The following SLCO5A1 variants were observed in gnomAD, a reference collection of about 807,000 sequenced individuals.
SLCO5A1 encodes organic anion transporter polypeptide-related protein 4.
A neutral mutation model predicts 65.1 loss-of-function variants in SLCO5A1; 39 were observed. The ratio of observed to expected loss-of-function variants is 0.60; its 90% CI spans 0.46 to 0.78. The LOEUF (loss-of-function observed/expected upper bound fraction) is 0.78, where lower values mean the gene tolerates loss of function less well. SLCO5A1 is among the 30% of genes least tolerant of loss of function. The pLI, the probability that SLCO5A1 is intolerant of heterozygous loss-of-function variation, is 0.00. For missense variants in SLCO5A1, 1,029 were observed against 1,069.4 expected, an observed-to-expected ratio of 0.96 and a Z score of 0.53; for synonymous variants, 438 against 415.7, an observed-to-expected ratio of 1.05 and a Z score of -0.65.
intron 3 of SLCO5A1, among the ~76,000 whole-genome samples, chr8:69,759,850 G>A (rs763286056): frequency 3.9e-5 from 6 of 152,184 alleles, no homozygotes; most frequent in South Asian, 2.1e-4. Flanking sequence ...GGCTCGCCAC[G>A]TTAGCCAGGG....
At chr8:69,689,360 A>G (rs1814142670) in intron 6 of SLCO5A1, among the ~76,000 whole-genome samples, 2 of 98,434 alleles carry the variant, frequency 2.0e-5, no homozygotes, top group South Asian at 4.2e-4. Flanking sequence ...CCATTTGTCA[A>G]TTTTGGCTTT....
intron 7 of SLCO5A1, among the ~76,000 whole-genome samples, chr8:69,681,014 A>G (rs1054650524): frequency 3.9e-5 from 6 of 152,166 alleles, no homozygotes; most frequent in African/African-American, 1.4e-4. Flanking sequence ...AAGGATGAAC[A>G]CTCACTCTCA....
intron 4 of SLCO5A1, among the ~76,000 whole-genome samples, chr8:69,745,522 C>T (rs1018425811): frequency 6.6e-6 from 1 of 151,942 alleles, no homozygotes; most frequent in Non-Finnish European, 1.5e-5. Flanking sequence ...AATTTTATTA[C>T]CCCAAAATGT....
At chr8:69,761,469 T>C (rs1393790753) in intron 3 of SLCO5A1, 5 of 344,036 alleles carry the variant, frequency 1.5e-5, no homozygotes, top group Non-Finnish European at 2.6e-5. Flanking sequence ...TTTCCTTTGA[T>C]TACACTGGGC....
intron 2 of SLCO5A1, among the ~76,000 whole-genome samples, chr8:69,811,578 C>T (rs1042320434): frequency 1.3e-5 from 2 of 152,140 alleles, no homozygotes; most frequent in Admixed American, 1.3e-4. Flanking sequence ...ATACACAGCA[C>T]CCAAGCAAGA....
At chr8:69,674,964 C>G (rs1813489388) in intron 9 of SLCO5A1, among the ~76,000 whole-genome samples, 1 of 151,352 alleles carries the variant, frequency 6.6e-6, no homozygotes, top group Non-Finnish European at 1.5e-5. Context: ...CACTTGAACC[C>G]TAGAGGCAGA....
intron 6 of SLCO5A1, among the ~76,000 whole-genome samples, chr8:69,690,489 A>G (rs2130797667): frequency 6.6e-6 from 1 of 152,328 alleles, no homozygotes; most frequent in South Asian, 2.1e-4. Flanking sequence ...GATATAATTG[A>G]AGGATTTAGG....
At chr8:69,788,551 T>C (rs936488381) in intron 2 of SLCO5A1, among the ~76,000 whole-genome samples, 1 of 152,124 alleles carries the variant, frequency 6.6e-6, no homozygotes, top group Non-Finnish European at 1.5e-5. Context: ...CTTGTGGAGT[T>C]TTTATAAACA....
intron 2 of SLCO5A1, among the ~76,000 whole-genome samples, chr8:69,825,260 G>T (rs1250866661): frequency 1.3e-5 from 2 of 152,182 alleles, no homozygotes; most frequent in African/African-American, 4.8e-5. Flanking sequence ...TCAACATAGT[G>T]TTGGGAAGTT....
intron 6 of SLCO5A1, among the ~76,000 whole-genome samples, chr8:69,689,975 G>A (rs1315261587): frequency 6.6e-6 from 1 of 152,198 alleles, no homozygotes; most frequent in Non-Finnish European, 1.5e-5. Context: ...TCATGAGCAT[G>A]GAATGTTCTT....
At chr8:69,714,596 C>T (rs1465952504) in intron 5 of SLCO5A1, among the ~76,000 whole-genome samples, 1 of 152,134 alleles carries the variant, frequency 6.6e-6, no homozygotes, top group Non-Finnish European at 1.5e-5. Context: ...TGTCAGGTTC[C>T]CCGTGACAAT....
chr8:69,724,496 T>C (rs1815974672), intron 5 of SLCO5A1, among the ~76,000 whole-genome samples: 1 of 152,174 alleles, frequency 6.6e-6, no homozygotes, highest in Admixed American at 6.5e-5. Flanking sequence ...TGAAATCTAA[T>C]CAGACTAACA....
intron 2 of SLCO5A1, among the ~76,000 whole-genome samples, chr8:69,764,775 T>C (rs746799650): frequency 6.6e-6 from 1 of 152,162 alleles, no homozygotes; most frequent in Non-Finnish European, 1.5e-5. Flanking sequence ...AAAACTGTAA[T>C]GAGGCCAAAA....
chr8:69,689,971 G>A (rs1396562929), intron 6 of SLCO5A1, among the ~76,000 whole-genome samples: 2 of 152,224 alleles, frequency 1.3e-5, no homozygotes, highest in African/African-American at 4.8e-5. Context: ...CTACTCATGA[G>A]CATGGAATGT....
intron 5 of SLCO5A1, among the ~76,000 whole-genome samples, chr8:69,707,805 C>A (rs1313660498): frequency 6.6e-6 from 1 of 152,138 alleles, no homozygotes; most frequent in Non-Finnish European, 1.5e-5. Flanking sequence ...AGGATGACTG[C>A]ATGACACCAG....
intron 2 of SLCO5A1, among the ~76,000 whole-genome samples, chr8:69,782,565 G>T (rs1818840827): frequency 7.4e-6 from 1 of 135,000 alleles, no homozygotes. Context: ...GGGAGACAGA[G>T]CAAGACCCTG....
At chr8:69,793,623 C>T (rs988774873) in intron 2 of SLCO5A1, among the ~76,000 whole-genome samples, 1 of 151,800 alleles carries the variant, frequency 6.6e-6, no homozygotes, top group South Asian at 2.1e-4. Flanking sequence ...ACTAAAAATA[C>T]AAAAATTAAC....
chr8:69,740,293 T>C (rs1816741619), intron 4 of SLCO5A1, among the ~76,000 whole-genome samples: 1 of 152,162 alleles, frequency 6.6e-6, no homozygotes, highest in Non-Finnish European at 1.5e-5. Context: ...CTTTGGTTGG[T>C]GGGACTGGGT....
intron 4 of SLCO5A1, among the ~76,000 whole-genome samples, chr8:69,745,404 C>A: frequency 1.3e-5 from 2 of 152,030 alleles, no homozygotes; most frequent in Admixed American, 1.3e-4. Flanking sequence ...AATTTTGTTC[C>A]TTTTACATCT....
Sources: gnomAD v4.1 joint callset for allele counts (sites outside exome capture counted in the v4.1 genomes callset) on GRCh38, gnomAD v4.1.1 for gene constraint, MANE v1.5 for transcripts, NCBI Gene and HGNC (gene_info 2026-07-23, HGNC 2026-07-21) for gene names.